The following PTPRD variants were observed in gnomAD, a reference collection of about 807,000 sequenced individuals.
The protein encoded by PTPRD is protein tyrosine phosphatase receptor type D, also known as receptor-type tyrosine-protein phosphatase delta.
A neutral mutation model predicts 214.5 loss-of-function variants in PTPRD; 34 were observed. The observed-to-expected ratio is 0.16, with a 90% CI of 0.12 to 0.21. PTPRD has a LOEUF of 0.21. PTPRD is among the 10% of genes least tolerant of loss of function. The pLI, the probability that PTPRD is intolerant of heterozygous loss-of-function variation, is 1.00. For missense variants in PTPRD, 2,545 were observed against 2,398.7 expected (o/e 1.06, Z -1.27); for synonymous variants, 1,128 against 845.7 (o/e 1.33, Z -5.79).
At chr9:10,101,891 T>C (rs1334070181) in intron 3 of PTPRD, among the ~76,000 whole-genome samples, 1 of 151,620 alleles carries the variant, frequency 6.6e-6, no homozygotes, top group East Asian at 2.0e-4. Flanking sequence ...TTAGGTGCTG[T>C]AAGGGACAGC....
At chr9:10,421,953 G>A (rs1216515792) in intron 2 of PTPRD, among the ~76,000 whole-genome samples, 1 of 151,888 alleles carries the variant, frequency 6.6e-6, no homozygotes, top group Non-Finnish European at 1.5e-5. Context: ...TTAGTATGGA[G>A]AATGATTTAA....
intron 4 of PTPRD, among the ~76,000 whole-genome samples, chr9:9,979,176 T>C (rs2095459889): frequency 6.6e-6 from 1 of 152,052 alleles, no homozygotes; most frequent in African/African-American, 2.4e-5. Flanking sequence ...GACATAAACT[T>C]AGATTTATAC....
At chr9:8,419,693 G>T (rs532696189) in intron 35 of PTPRD, among the ~76,000 whole-genome samples, 1 of 151,578 alleles carries the variant, frequency 6.6e-6, no homozygotes, top group East Asian at 1.9e-4. Flanking sequence ...GGGGAATTTT[G>T]GATGAAATTA....
intron 2 of PTPRD, among the ~76,000 whole-genome samples, chr9:10,436,566 G>T (rs140800067): frequency 1.9e-4 from 29 of 151,324 alleles, no homozygotes; most frequent in African/African-American, 6.8e-4. Context: ...TAAAATGCAC[G>T]TATTCTTACT....
chr9:9,273,160 A>G (rs906237529), intron 9 of PTPRD, among the ~76,000 whole-genome samples: 3 of 151,360 alleles, frequency 2.0e-5, no homozygotes, highest in African/African-American at 7.3e-5. Flanking sequence ...ATTTAAGAAT[A>G]GAAATATTAT....
intron 7 of PTPRD, among the ~76,000 whole-genome samples, chr9:9,683,137 C>T (rs905056693): frequency 6.6e-6 from 1 of 151,764 alleles, no homozygotes; most frequent in East Asian, 1.9e-4. Flanking sequence ...TCTTTTTCAA[C>T]AAATTGGTGG....
intron 7 of PTPRD, among the ~76,000 whole-genome samples, chr9:9,675,729 T>C (rs1165641293): frequency 6.6e-6 from 1 of 152,076 alleles, no homozygotes; most frequent in Non-Finnish European, 1.5e-5. Flanking sequence ...AAAATGCTTG[T>C]ATTGGTGAGT....
intron 3 of PTPRD, among the ~76,000 whole-genome samples, chr9:10,316,609 A>C (rs1243214605): frequency 6.6e-6 from 1 of 152,014 alleles, no homozygotes; most frequent in African/African-American, 2.4e-5. Flanking sequence ...TTTTATGTTC[A>C]AAGCCAGCTT....
At chr9:10,182,756 G>A (rs2099307020) in intron 3 of PTPRD, among the ~76,000 whole-genome samples, 2 of 152,160 alleles carry the variant, frequency 1.3e-5, no homozygotes, top group African/African-American at 4.8e-5. Flanking sequence ...TGGGACTCAT[G>A]TACTTCAAGT....
chr9:10,143,455 TTGG>T (rs1311424716), intron 3 of PTPRD, among the ~76,000 whole-genome samples: 1 of 152,074 alleles, frequency 6.6e-6, no homozygotes, highest in African/African-American at 2.4e-5. Flanking sequence ...TTGTACACTG[TTGG>T]TGGGGATCTA....
At chr9:9,503,126 C>T (rs1444149878) in intron 8 of PTPRD, among the ~76,000 whole-genome samples, 1 of 151,584 alleles carries the variant, frequency 6.6e-6, no homozygotes, top group Non-Finnish European at 1.5e-5. Flanking sequence ...AAAGAAGGGA[C>T]TTGGTTGGTA....
chr9:9,652,522 C>G (rs1190873679), intron 7 of PTPRD, among the ~76,000 whole-genome samples: 1 of 152,080 alleles, frequency 6.6e-6, no homozygotes, highest in Non-Finnish European at 1.5e-5. Context: ...ACCTTTATTG[C>G]CTATCTGAAA....
At chr9:10,504,142 G>A (rs201087750) in intron 2 of PTPRD, among the ~76,000 whole-genome samples, 801 of 27,068 alleles carry the variant, frequency 0.03, 1 homozygote, top group Non-Finnish European at 0.043. Flanking sequence ...AAAAAAAAAA[G>A]ATGTACGGGG....
At chr9:8,607,734 C>G (rs569554186) in intron 14 of PTPRD, among the ~76,000 whole-genome samples, 1 of 152,288 alleles carries the variant, frequency 6.6e-6, no homozygotes, top group Admixed American at 6.5e-5. Flanking sequence ...ATGACCATCT[C>G]CTACTAGAGC....
At chr9:9,299,836 T>C (rs1036997519) in intron 9 of PTPRD, among the ~76,000 whole-genome samples, 1 of 151,406 alleles carries the variant, frequency 6.6e-6, no homozygotes, top group African/African-American at 2.4e-5. Context: ...GAAACCAAAG[T>C]CTTTATGTTC....
At chr9:9,725,114 G>C (rs1455141511) in intron 7 of PTPRD, among the ~76,000 whole-genome samples, 1 of 152,058 alleles carries the variant, frequency 6.6e-6, no homozygotes, top group East Asian at 1.9e-4. Flanking sequence ...ATCCTCTTTT[G>C]CTTCAAAGGT....
At chr9:9,070,531 T>C (rs1436275769) in intron 10 of PTPRD, among the ~76,000 whole-genome samples, 1 of 152,168 alleles carries the variant, frequency 6.6e-6, no homozygotes, top group Non-Finnish European at 1.5e-5. Flanking sequence ...CCTTCACATT[T>C]TGCCCATTTG....
At chr9:10,337,854 T>A (rs1414022880) in intron 3 of PTPRD, among the ~76,000 whole-genome samples, 1 of 151,730 alleles carries the variant, frequency 6.6e-6, no homozygotes. Flanking sequence ...CGTATAACAT[T>A]TTTTTCAGAA....
chr9:8,930,871 A>G (rs2154281573), intron 11 of PTPRD, among the ~76,000 whole-genome samples: 1 of 152,304 alleles, frequency 6.6e-6, no homozygotes, highest in East Asian at 1.9e-4. Context: ...GCCCTTTGTC[A>G]GATGAGTAGA....
Sources: allele counts gnomAD v4.1 joint callset (sites outside exome capture counted in the v4.1 genomes callset), GRCh38; gene constraint gnomAD v4.1.1; transcripts MANE v1.5; gene names NCBI Gene and HGNC (gene_info 2026-07-23, HGNC 2026-07-21).